The following TREM1 variants were observed in gnomAD, a reference collection of about 807,000 sequenced individuals.
TREM1 encodes the protein triggering receptor expressed on monocytes 1.
A neutral mutation model predicts 22.4 loss-of-function variants in TREM1; 16 were observed. The observed-to-expected ratio is 0.71, with a 90% confidence interval of 0.48 to 1.08. The LOEUF (loss-of-function observed/expected upper bound fraction) is 1.08. TREM1 is among the 50% of genes least tolerant of loss of function. The pLI, the probability that TREM1 is intolerant of heterozygous loss-of-function variation, is 0.00. For missense variants in TREM1, 283 were observed against 282.9 expected (o/e 1.00, Z 0.00); for synonymous variants, 110 against 111.6 (o/e 0.99, Z 0.09).
intron 1 of TREM1, among the ~76,000 whole-genome samples, chr6:41,284,739 A>C (rs1439036738): frequency 6.6e-6 from 1 of 152,058 alleles, no homozygotes; most frequent in Non-Finnish European, 1.5e-5. Flanking sequence ...TGGCATGCCC[A>C]CCCCAGGATA....
chr6:41,270,747 G>A (rs998711907), downstream of TREM1, among the ~76,000 whole-genome samples: 1 of 152,062 alleles, frequency 6.6e-6, no homozygotes, highest in Non-Finnish European at 1.5e-5. Context: ...GTCTTGCTCT[G>A]TCACACAGGC....
chr6:41,278,784 T>A (rs1213602377), intron 3 of TREM1, among the ~76,000 whole-genome samples: 1 of 151,946 alleles, frequency 6.6e-6, no homozygotes, highest in African/African-American at 2.4e-5. Flanking sequence ...AGTTAACAGA[T>A]AAAAGAGAGA....
chr6:41,286,053 C>A (rs1184604547), intron 1 of TREM1, among the ~76,000 whole-genome samples: 3 of 152,196 alleles, frequency 2.0e-5, no homozygotes, highest in African/African-American at 7.2e-5. Context: ...CTGGGGCATG[C>A]GCCGGCTCTG....
At chr6:41,268,353 C>T (rs1016451270) in intron 3 of TREM1, among the ~76,000 whole-genome samples, 1 of 152,180 alleles carries the variant, frequency 6.6e-6, no homozygotes, top group East Asian at 1.9e-4. Flanking sequence ...TAAGCGTATC[C>T]TTATTAAACT....
intron 3 of TREM1, 23 bp from the exon 4 acceptor site, chr6:41,276,253 C>T (rs2234243): frequency 0.081 from 129,045 of 1,586,460 alleles, 5,761 homozygotes; most frequent in African/African-American, 0.1. Context: ...AGAGGCTGAA[C>T]GCTACTGCTG....
rs1273945634 is a variant in TREM1, at chr6:41,274,074, A to G, written c.*2051T>C. 1.3e-5 allele frequency among the ~76,000 whole-genome samples: 2 copies of G among 152,224 alleles called. No individual in the cohort carries two copies. Among genetic ancestry groups the G allele is most frequent in the Non-Finnish European group, 2.9e-5 (2 of 68,042 alleles). Reference sequence around the variant, plus strand: ...TCCGATTTAGTGCATATAATATTTCAGTCACGTTTAATATGTTGGACTTAA... The same window carrying G: ...TCCGATTTAGTGCATATAATATTTCGGTCACGTTTAATATGTTGGACTTAA... On this transcript the variant is annotated 3_prime_UTR_variant, in exon 4 of 4. Transcript: ENST00000244709.
intron 3 of TREM1, 151 bp downstream of exon 3, chr6:41,280,810 C>T (rs1767875504): frequency 1.3e-6 from 2 of 1,491,106 alleles, no homozygotes; most frequent in Non-Finnish European, 8.9e-7. Flanking sequence ...CTTCCTTCTT[C>T]CCCTGGACAT....
chr6:41,274,468 T>C lies in TREM1; in HGVS notation c.*1657A>G, dbSNP rs1054018655. The stretch of plus-strand genomic sequence containing the variant: ...GAACAATGCTGGGATTGCTAAAGTG[T>C]GGGGTTCCAGACCAGCAAGCTCAGC... On this transcript the variant is annotated 3_prime_UTR_variant, in exon 4 of 4. Transcript: ENST00000244709. Among the ~76,000 whole-genome samples the C allele has an allele frequency of 6.6e-6, 1 of 152,120 alleles. No homozygotes were observed. Among genetic ancestry groups the C allele is most frequent in the Admixed American group, 6.5e-5 (1 of 15,272 alleles).
Position 41,281,139 on chromosome 6 carries a change from G to C in TREM1, c.421C>G (p.Pro141Ala). Residue 141 changes from proline to alanine, a missense_variant, in exon 3 of 4, where the codon CCT (proline) becomes GCT (alanine). Transcript: ENST00000244709. The part of the protein sequence containing the change: ...LVVTKGFSGT[P>A]GSNENSTQNV... ...TGGGTAGAATTCTCATTGGAGCCAGGGGTCCCTGAAAAACCTGCAAGAAGA... is the reference window on the plus strand; with the variant it reads ...TGGGTAGAATTCTCATTGGAGCCAGCGGTCCCTGAAAAACCTGCAAGAAGA... 3 of 1,613,556 alleles carry C rather than the reference G, an allele frequency of 1.9e-6. No individual in the cohort carries two copies. The South Asian group carries it at 3.3e-5, about 18-fold the overall frequency.
chr6:41,283,796 G>T (rs1768038792), intron 1 of TREM1, among the ~76,000 whole-genome samples: 1 of 152,078 alleles, frequency 6.6e-6, no homozygotes, highest in African/African-American at 2.4e-5. Context: ...GGAGCACATG[G>T]CTGAGCTGGA....
chr6:41,285,946 C>G (rs945599104), intron 1 of TREM1, among the ~76,000 whole-genome samples: 5 of 152,210 alleles, frequency 3.3e-5, no homozygotes, highest in African/African-American at 1.2e-4. Flanking sequence ...TCCTGTTATT[C>G]ATAAGGATTA....
chr6:41,286,149 T>G (rs989959110), intron 1 of TREM1, among the ~76,000 whole-genome samples: 10 of 152,336 alleles, frequency 6.6e-5, no homozygotes, highest in African/African-American at 2.4e-4. Flanking sequence ...CACCAGCCTC[T>G]TCTGGTCACG....
At chr6:41,268,104 G>A (rs531231451) in intron 3 of TREM1, 22 of 398,596 alleles carry the variant, frequency 5.5e-5, no homozygotes, top group Non-Finnish European at 7.5e-5. Flanking sequence ...AATTCAAGCG[G>A]GGGAAATGAT....
chr6:41,267,923 C>T (rs1767373184), downstream of TREM1: 1 of 398,488 alleles, frequency 2.5e-6, no homozygotes, highest in African/African-American at 2.1e-5. Context: ...TTACAGTTGA[C>T]CTTGCCATCT....
intron 2 of TREM1, 60 bp from the exon 3 acceptor site, chr6:41,281,213 T>A: frequency 6.4e-7 from 1 of 1,565,902 alleles, no homozygotes. Context: ...GGTGGATGGG[T>A]GGGTGAATGG....
At position 41,274,941 on chromosome 6, in the gene TREM1, G is replaced by C. The variant is rs534022811; in HGVS notation, c.*1184C>G. ...GGGCATCACTAAATTGGGCTGGAAG[G>C]ACCCACCATCCTTTCCCCACCCATG... On this transcript the variant is annotated 3_prime_UTR_variant, in exon 4 of 4. Transcript: ENST00000244709. Among the ~76,000 whole-genome samples the C allele has an allele frequency of 6.6e-6, 1 of 152,196 alleles. No individual in the cohort carries two copies. Among genetic ancestry groups the C allele is most frequent in the South Asian group, 2.1e-4 (1 of 4,810 alleles).
chr6:41,281,345 AG>A, intron 2 of TREM1, 192 bp from the exon 3 acceptor site: 1 of 658,082 alleles, frequency 1.5e-6, no homozygotes, highest in Non-Finnish European at 2.5e-6. Context: ...CTAAAGCCAA[AG>A]AAATACTGTG....
At chr6:41,286,583 G>T (rs1243436940) in intron 1 of TREM1, 24 bp downstream of exon 1, 1 of 1,613,240 alleles carries the variant, frequency 6.2e-7, no homozygotes. Flanking sequence ...CGCCTCCCCT[G>T]CTCAGTCCTC....
intron 1 of TREM1, among the ~76,000 whole-genome samples, chr6:41,286,326 C>A (rs967076032): frequency 6.6e-6 from 1 of 151,684 alleles, no homozygotes; most frequent in Non-Finnish European, 1.5e-5. Flanking sequence ...GTAGATCATG[C>A]CATGATGAGA....
Sources: gnomAD v4.1 joint callset for allele counts (sites outside exome capture counted in the v4.1 genomes callset) on GRCh38, gnomAD v4.1.1 for gene constraint, MANE v1.5 for transcripts, NCBI Gene and HGNC (gene_info 2026-07-23, HGNC 2026-07-21) for gene names.